Variants in DNAH8 observed in about 807,000 individuals in gnomAD.
The protein encoded by DNAH8 is axonemal beta dynein heavy chain 8.
A neutral mutation model predicts 562.1 loss-of-function variants in DNAH8; 382 were observed. The observed-to-expected ratio is 0.68, with a 90% confidence interval of 0.63 to 0.74. DNAH8 has a LOEUF of 0.74. DNAH8 is among the 30% of genes least tolerant of loss of function. The probability of loss-of-function intolerance (pLI) is 0.00; values close to 1 mark genes in which losing one functional copy is unlikely to be tolerated. For synonymous variants in DNAH8, 1,881 were observed against 1,919.4 expected (o/e 0.98, Z 0.52); for missense variants, 5,203 against 5,620.4 (o/e 0.93, Z 2.37).
intron 5 of DNAH8, among the ~76,000 whole-genome samples, chr6:38,735,183 G>A (rs17623162): frequency 0.18 from 27,562 of 152,170 alleles, 3,356 homozygotes; most frequent in Non-Finnish European, 0.27. Context: ...TGGCAAGATT[G>A]TAGTGACACT....
intron 56 of DNAH8, among the ~76,000 whole-genome samples, chr6:38,885,702 A>G (rs1031238957): frequency 2.6e-5 from 4 of 152,170 alleles, no homozygotes; most frequent in African/African-American, 9.7e-5. Context: ...TCCTCTGCCT[A>G]GAGTGCTCTT....
chr6:38,860,945 C>A (rs6458074), intron 43 of DNAH8, among the ~76,000 whole-genome samples: 64,217 of 151,976 alleles, frequency 0.42, 14,199 homozygotes, highest in East Asian at 0.69. Context: ...GAAGGAAGGT[C>A]CCTTGGAGAT....
chr6:38,786,962 A>G lies in DNAH8; in HGVS notation c.2583+10A>G, dbSNP rs372331753. The G allele has an allele frequency of 3.1e-5, 48 of 1,560,464 alleles. No individual in the cohort carries two copies. Among genetic ancestry groups the G allele is most frequent in the Non-Finnish European group, 4.0e-5 (46 of 1,155,490 alleles). ...CAAACTGTATTTGCAGGTAAGATAG[A>G]TTATGTTTTCTAATTATTTTTGAAG... On this transcript the variant is annotated intron_variant, in intron 18 of 92. Coordinates refer to ENST00000327475, the MANE Select transcript of DNAH8 (RefSeq NM_001206927.2).
At position 38,868,165 on chromosome 6, in the gene DNAH8, G is replaced by A. The variant is rs1419922354; in HGVS notation, c.6797G>A (p.Arg2266Lys). The change falls in exon 48 of 93, where the codon AGA becomes AAA. Residue 2266 changes from arginine (R) to lysine (K), a missense_variant. This residue lies in a region of DNAH8 where 2,176 missense variants were observed against 2,365.1 expected (regional missense o/e 0.92). Transcript: ENST00000327475. ...GATAGTGAATTAAGCATTGTCATGA[G>A]AGGACTAAGAGATATGAACCTTTCC... ...PEDSELSIVM[R>K]GLRDMNLSKL... The A allele has an allele frequency of 6.2e-7, 1 of 1,613,228 alleles. No individual in the cohort carries two copies. Among genetic ancestry groups the A allele is most frequent in the South Asian group, 1.1e-5 (1 of 90,830 alleles).
chr6:38,966,079 A>C (rs1762953525), intron 82 of DNAH8, among the ~76,000 whole-genome samples: 1 of 152,146 alleles, frequency 6.6e-6, no homozygotes, highest in African/African-American at 2.4e-5. Flanking sequence ...CTTTTTTGAA[A>C]GATCAATAAA....
chr6:39,005,790 G>A (rs1414084460), intron 88 of DNAH8, among the ~76,000 whole-genome samples: 1 of 152,178 alleles, frequency 6.6e-6, no homozygotes, highest in African/African-American at 2.4e-5. Flanking sequence ...TGCTGCTGTT[G>A]AGGAATTGAC....
chr6:38,999,428 T>C (rs1382965452), intron 88 of DNAH8, among the ~76,000 whole-genome samples: 1 of 150,490 alleles, frequency 6.6e-6, no homozygotes. Flanking sequence ...CTAGAACAGG[T>C]AGGAATCATG....
rs987012930 is a variant in DNAH8 at position 38,972,509 on chromosome 6, G to A, written c.12525+844G>A. 4.6e-5 allele frequency among the ~76,000 whole-genome samples: 7 copies of A among 151,890 alleles called. 1 individual carries two copies. The highest frequency in any genetic ancestry group is 4.2e-4 in the South Asian group (2 of 4,786). On this transcript the variant is annotated intron_variant, in intron 83 of 92. Transcript: ENST00000327475. ...CAATTATACATAATTATTTTTACTC[G>A]GATCAAATGTTTCACTCTATTGAGT... is the stretch of plus-strand genomic sequence containing the variant.
chr6:38,750,528 A>T lies in DNAH8; in HGVS notation c.1346A>T (p.Asp449Val). Residue 449 changes from aspartate to valine, a missense_variant, in exon 9 of 93, where the codon GAT (aspartate) becomes GTT (valine). By Grantham distance (152) the Asp-to-Val change is radical. This residue lies in a region of DNAH8 where 2,176 missense variants were observed against 2,365.1 expected (regional missense o/e 0.92). Transcript: ENST00000327475. ...RITDTANESK[D>V]NVRYLYTLEK... ...ACTGATACAGCAAATGAATCCAAAGATAATGTCAGATATTTGTATACTTTG... is the reference window on the plus strand; with the variant it reads ...ACTGATACAGCAAATGAATCCAAAGTTAATGTCAGATATTTGTATACTTTG... The T allele has an allele frequency of 6.2e-7, 1 of 1,612,562 alleles. No individual in the cohort carries two copies. Among genetic ancestry groups the T allele is most frequent in the South Asian group, 1.1e-5 (1 of 90,728 alleles).
chr6:38,725,585 G>A (rs7761629), intron 3 of DNAH8, among the ~76,000 whole-genome samples: 7,789 of 152,108 alleles, frequency 0.051, 226 homozygotes, highest in East Asian at 0.052. Context: ...AGATGTGTAC[G>A]TAAAACAAGA....
At chr6:38,842,226 A>G (rs1421078327) in intron 33 of DNAH8, 142 bp from the exon 34 acceptor site, 32 of 544,206 alleles carry the variant, frequency 5.9e-5, no homozygotes, top group Non-Finnish European at 9.1e-5. Context: ...TTGAAAATGG[A>G]TATAGTTGTA....
chr6:38,883,247 A>G, intron 54 of DNAH8, 75 bp from the exon 55 acceptor site: 1 of 1,466,396 alleles, frequency 6.8e-7, no homozygotes, highest in Non-Finnish European at 9.1e-7. Context: ...ATAGAAGACT[A>G]GCCCATAGAA....
chr6:38,850,673 C>T (rs2150387169), intron 38 of DNAH8, among the ~76,000 whole-genome samples: 1 of 152,310 alleles, frequency 6.6e-6, no homozygotes, highest in South Asian at 2.1e-4. Context: ...AATTCATTCT[C>T]ACAGTTGTGG....
intron 76 of DNAH8, among the ~76,000 whole-genome samples, chr6:38,932,216 A>ACACACACC (rs375631180): frequency 0.012 from 1,717 of 145,678 alleles, 21 homozygotes; most frequent in Non-Finnish European, 0.017. Flanking sequence ...ACACACACAC[A>ACACACACC]CCCGTCTCTT....
rs769556700 is a variant in DNAH8 at position 38,984,239 on chromosome 6, G to A, written c.12985G>A (p.Gly4329Arg). 12 of 1,608,144 alleles carry A rather than the reference G, an allele frequency of 7.5e-6. No individual in the cohort carries two copies. Among genetic ancestry groups the A allele is most frequent in the Admixed American group, 3.3e-5 (2 of 59,956 alleles). ...ATGGAATACGGTTCGGTACATGATC[G>A]GAGAAGTACAATATGGAGGCAGAGT... ...VSWNTVRYMI[G>R]EVQYGGRVTD... The change falls in exon 87 of 93, where the codon GGA becomes AGA. Residue 4329 changes from glycine to arginine, a missense_variant. Physicochemically the swap from Gly to Arg is moderately radical, Grantham distance 125. Transcript: ENST00000327475.
intron 88 of DNAH8, among the ~76,000 whole-genome samples, chr6:39,004,804 G>T (rs1388764438): frequency 6.6e-6 from 1 of 152,120 alleles, no homozygotes; most frequent in Non-Finnish European, 1.5e-5. Context: ...TTTATGTCTG[G>T]ATTCTTTCAC....
intron 70 of DNAH8, 55 bp from the exon 71 acceptor site, chr6:38,921,314 A>G: frequency 6.3e-7 from 1 of 1,575,420 alleles, no homozygotes; most frequent in Non-Finnish European, 8.6e-7. Flanking sequence ...TCTACCAGTT[A>G]CAATCATGAC....
At chr6:38,979,167 A>G (rs548801934) in intron 85 of DNAH8, among the ~76,000 whole-genome samples, 32 of 152,348 alleles carry the variant, frequency 2.1e-4, no homozygotes, top group African/African-American at 7.2e-4. Context: ...CCTTGTAAAG[A>G]CCAGCTTCAG....
intron 24 of DNAH8, among the ~76,000 whole-genome samples, chr6:38,812,216 C>T (rs1222164116): frequency 6.6e-6 from 1 of 152,160 alleles, no homozygotes; most frequent in Admixed American, 6.5e-5. Flanking sequence ...CAGCCCGGAA[C>T]CCTGGCTAGG....
Sources: allele counts gnomAD v4.1 joint callset (sites outside exome capture counted in the v4.1 genomes callset), GRCh38; gene constraint gnomAD v4.1.1; regional missense constraint gnomAD v4.1.1; transcripts MANE v1.5; gene names NCBI Gene and HGNC (gene_info 2026-07-23, HGNC 2026-07-21).